CCDC63: variants seen among roughly 807,000 people sequenced by gnomAD.
CCDC63 encodes the protein coiled-coil domain containing 63.
In CCDC63, 54 loss-of-function variants were observed where a neutral mutation model predicts 63.6. That is an observed-to-expected ratio of 0.85 (90% CI 0.68 to 1.07). CCDC63 has a LOEUF of 1.07. Among genes scored for constraint, CCDC63 ranks in the 50% least tolerant of loss-of-function variants. The probability of loss-of-function intolerance (pLI) is 0.00; values close to 1 mark genes in which losing one functional copy is unlikely to be tolerated. For synonymous variants in CCDC63, 253 were observed against 266.1 expected (o/e 0.95, Z 0.48); for missense variants, 637 against 689.6 (o/e 0.92, Z 0.86).
At chr12:110,898,586 C>G (rs1276573317) in intron 9 of CCDC63, among the ~76,000 whole-genome samples, 2 of 146,476 alleles carry the variant, frequency 1.4e-5, no homozygotes, top group Non-Finnish European at 3.0e-5. Context: ...CCACTGCACT[C>G]TGGCCTGGGT....
At chr12:110,899,310 GT>G (rs1321438127) in intron 10 of CCDC63, among the ~76,000 whole-genome samples, 185 bp downstream of exon 10, 1 of 151,984 alleles carries the variant, frequency 6.6e-6, no homozygotes, top group Non-Finnish European at 1.5e-5. Context: ...AAGCAGGTTT[GT>G]TTTTTGGTTT....
At chr12:110,903,418 C>T (rs1466879162) in intron 10 of CCDC63, among the ~76,000 whole-genome samples, 2 of 152,178 alleles carry the variant, frequency 1.3e-5, no homozygotes, top group Non-Finnish European at 2.9e-5. Flanking sequence ...AGATAATGAA[C>T]ATCGGGATGG....
At chr12:110,875,366 T>TAATG (rs2071117170) in intron 5 of CCDC63, among the ~76,000 whole-genome samples, 2 of 152,220 alleles carry the variant, frequency 1.3e-5, no homozygotes, top group Non-Finnish European at 2.9e-5. Flanking sequence ...GCATGGTGTT[T>TAATG]AATGCCTCAG....
rs904029260 is a variant in CCDC63, at chr12:110,879,812, G to A, written c.490-94G>A. The A allele has an allele frequency of 1.5e-4, 183 of 1,220,304 alleles. 1 individual carries two copies. In the Admixed American group the frequency reaches 3.3e-3, roughly 22 times the overall value. The allele number at this position is 1,220,304 out of a possible 1,614,324, so 75.6% of individuals were successfully genotyped here. On this transcript the variant is annotated intron_variant, in intron 5 of 11. Transcript: ENST00000308208. The stretch of plus-strand genomic sequence containing the variant: ...CCTCCATGGCCCTTGCGTATGAGGT[G>A]GGGCAAAGACCTGACAGCCTTCCAG...
intron 4 of CCDC63, among the ~76,000 whole-genome samples, chr12:110,863,118 T>C (rs2136660793): frequency 6.6e-6 from 1 of 152,270 alleles, no homozygotes; most frequent in South Asian, 2.1e-4. Context: ...ATTTGTTTTA[T>C]TTCATTGGTG....
chr12:110,890,814 A>G (rs368161979), intron 8 of CCDC63, among the ~76,000 whole-genome samples: 235 of 115,228 alleles, frequency 2.0e-3, no homozygotes, highest in African/African-American at 7.9e-3. Context: ...ATCTTGCTCT[A>G]TCGCCTGGCT....
rs754761813 is a variant in CCDC63, at chr12:110,881,130, T to C, written c.687T>C (p.Ala229=). The C allele has an allele frequency of 2.5e-6, 4 of 1,610,550 alleles. No homozygotes were observed. Among genetic ancestry groups the C allele is most frequent in the Non-Finnish European group, 1.7e-6 (2 of 1,179,316 alleles). ...QAYEQRVEAM[A]RMAAMKDRQK... is the part of the protein sequence containing the mutation. ...CTTTGCCCAGGGTGGAGGCCATGGC[T>C]CGAATGGCTGCCATGAAAGACCGCC... is the stretch of plus-strand genomic sequence containing the variant. The change falls in exon 7 of 12, where the codon GCT becomes GCC. Residue 229 remains alanine (A), a synonymous_variant. Coordinates refer to ENST00000308208, the MANE Select transcript of CCDC63 (RefSeq NM_152591.3).
chr12:110,850,698 G>C (rs2070695369), intron 1 of CCDC63, among the ~76,000 whole-genome samples: 1 of 152,158 alleles, frequency 6.6e-6, no homozygotes, highest in Non-Finnish European at 1.5e-5. Flanking sequence ...CCGAGATTGT[G>C]CCGTTGCACT....
Position 110,858,701 on chromosome 12 carries a change from C to G in CCDC63, c.295C>G (p.Leu99Val), listed in dbSNP as rs991916136. The G allele has an allele frequency of 3.1e-6, 5 of 1,613,942 alleles. No homozygotes were observed. The highest frequency in any genetic ancestry group is 1.3e-5 in the African/African-American group (1 of 74,900). The change falls in exon 4 of 12, where the codon CTG (leucine) becomes GTG (valine). Residue 99 changes from leucine to valine, a missense_variant. Transcript: ENST00000308208. ...SEKNYMELRL[L>V]LQTKEDYEAL... ...GAAGAACTACATGGAGCTGCGACTC[C>G]TGCTCCAAACTAAGGAGGACTATGA...
At chr12:110,851,835 C>G (rs1174499071) in intron 1 of CCDC63, among the ~76,000 whole-genome samples, 1 of 152,152 alleles carries the variant, frequency 6.6e-6, no homozygotes, top group Non-Finnish European at 1.5e-5. Context: ...GACATGGCTT[C>G]TAGAATTTCT....
chr12:110,853,691 A>T (rs2070735580), intron 3 of CCDC63, 117 bp downstream of exon 3: 6 of 1,090,942 alleles, frequency 5.5e-6, no homozygotes, highest in Middle Eastern at 4.0e-4. Context: ...TCTGAGCCCC[A>T]TTGGAGGATC....
intron 4 of CCDC63, among the ~76,000 whole-genome samples, chr12:110,867,742 A>C (rs71458373): frequency 2.5e-5 from 2 of 80,058 alleles, no homozygotes; most frequent in African/African-American, 1.1e-4. Flanking sequence ...GCGGCTGGCC[A>C]GGCGGGGGGC....
intron 4 of CCDC63, among the ~76,000 whole-genome samples, chr12:110,865,083 C>T (rs944711888): frequency 3.3e-5 from 5 of 152,172 alleles, no homozygotes; most frequent in African/African-American, 1.2e-4. Context: ...AGAGAGGCCC[C>T]AGCTGGTTTA....
At chr12:110,901,829 CATTCCTTCCTTT>C (rs1012163682) in intron 10 of CCDC63, among the ~76,000 whole-genome samples, 10 of 151,970 alleles carry the variant, frequency 6.6e-5, no homozygotes, top group African/African-American at 1.9e-4. Flanking sequence ...TTCCTTCCTT[CATTCCTTCCTTT>C]CTTTCTTTGA....
chr12:110,906,741 A>T (rs1404167488), intron 11 of CCDC63, among the ~76,000 whole-genome samples: 2 of 152,152 alleles, frequency 1.3e-5, no homozygotes, highest in Non-Finnish European at 2.9e-5. Context: ...AAGCTAGGTC[A>T]GATGCCACCC....
Position 110,873,834 on chromosome 12 carries a change from T to C in CCDC63, c.370-8T>C. ...CAGCTGGAATTTCTCTCTCTCTCTC[T>C]TTTTCAGATTCTTCAGATGGAAAAA... is the stretch of plus-strand genomic sequence containing the variant. On this transcript the variant is annotated splice_region_variant and splice_polypyrimidine_tract_variant and intron_variant, in intron 4 of 11. Transcript: ENST00000308208. 6.2e-7 allele frequency: 1 copy of C among 1,611,840 alleles called. No homozygotes were observed. The highest frequency in any genetic ancestry group is 8.5e-7 in the Non-Finnish European group (1 of 1,179,302).
At chr12:110,873,801 T>G in intron 4 of CCDC63, 41 bp from the exon 5 acceptor site, 1 of 1,608,482 alleles carries the variant, frequency 6.2e-7, no homozygotes, top group Non-Finnish European at 8.5e-7. Context: ...CCCATACAGA[T>G]GCTAACACAG....
chr12:110,876,879 CAA>C (rs57300765), intron 5 of CCDC63, among the ~76,000 whole-genome samples: 11 of 110,926 alleles, frequency 9.9e-5, no homozygotes, highest in East Asian at 3.0e-4. Context: ...ACTAAAAATA[CAA>C]AAAAAAAAAA....
At chr12:110,851,426 T>C (rs1306687320) in intron 1 of CCDC63, among the ~76,000 whole-genome samples, 1 of 152,190 alleles carries the variant, frequency 6.6e-6, no homozygotes, top group Admixed American at 6.5e-5. Context: ...CTCTCTCTTC[T>C]TGAGTGTTCC....
Sources: gnomAD v4.1 joint callset for allele counts (sites outside exome capture counted in the v4.1 genomes callset) on GRCh38, gnomAD v4.1.1 for gene constraint, MANE v1.5 for transcripts, NCBI Gene and HGNC (gene_info 2026-07-23, HGNC 2026-07-21) for gene names.